Variants in PCNX1 observed in about 807,000 individuals in gnomAD.
PCNX1 encodes the protein pecanex 1.
PCNX1 carries 78 observed loss-of-function variants against 242.2 expected under a neutral mutation model. The observed-to-expected ratio is 0.32, with a 90% CI of 0.27 to 0.39. PCNX1 has a LOEUF of 0.39. Among genes scored for constraint, PCNX1 ranks in the 10% least tolerant of loss-of-function variants. The probability of loss-of-function intolerance (pLI) is 1.00; values close to 1 mark genes in which losing one functional copy is unlikely to be tolerated. For synonymous variants in PCNX1, 1,024 were observed against 1,032.9 expected, an observed-to-expected ratio of 0.99 and a Z score of 0.17; for missense variants, 2,581 against 2,856.5, an observed-to-expected ratio of 0.90 and a Z score of 2.20.
intron 31 of PCNX1, among the ~76,000 whole-genome samples, chr14:71,102,666 A>G (rs1014199377): frequency 6.6e-6 from 1 of 152,042 alleles, no homozygotes; most frequent in Admixed American, 6.5e-5. Flanking sequence ...ACTTAATTTT[A>G]CTTATTTTTT....
Position 70,969,126 on chromosome 14 carries a change from T to G in PCNX1, c.604+16T>G. On this transcript the variant is annotated intron_variant, in intron 5 of 35. Transcript: ENST00000304743. Reference sequence around the variant, plus strand: ...GAAGAACAAGGTAAGAACGTTATACTTTACCATGATGTCATATACTGTGGT... The same window carrying G: ...GAAGAACAAGGTAAGAACGTTATACGTTACCATGATGTCATATACTGTGGT... The G allele has an allele frequency of 6.9e-7, 1 of 1,445,198 alleles. No homozygotes were observed. The highest frequency in any genetic ancestry group is 9.7e-7 in the Non-Finnish European group (1 of 1,025,744). 89.5% of individuals were successfully genotyped at this position (1,445,198 alleles called of 1,614,324 possible).
At chr14:71,034,556 AT>A in intron 18 of PCNX1, among the ~76,000 whole-genome samples, 1 of 152,304 alleles carries the variant, frequency 6.6e-6, no homozygotes, top group East Asian at 1.9e-4. Context: ...AAATTTTCTA[AT>A]TTGGTGAATT....
At chr14:71,092,252 C>T (rs945101947) in intron 30 of PCNX1, among the ~76,000 whole-genome samples, 11 of 152,282 alleles carry the variant, frequency 7.2e-5, no homozygotes, top group East Asian at 1.9e-4. Context: ...GAAAACCTTG[C>T]GCATTTTACA....
intron 28 of PCNX1, chr14:71,085,487 G>A (rs2061963786): frequency 6.6e-6 from 1 of 152,346 alleles, no homozygotes; most frequent in South Asian, 2.1e-4. Context: ...ATTCAGGATC[G>A]ACAGAATGAT....
intron 20 of PCNX1, 88 bp downstream of exon 20, chr14:71,045,371 A>T: frequency 1.1e-6 from 1 of 894,864 alleles, no homozygotes; most frequent in Non-Finnish European, 1.7e-6. Context: ...AGTGAATATC[A>T]TAACAGAACA....
chr14:71,073,540 C>CT lies in PCNX1; in HGVS notation c.4853-4dup, dbSNP rs769602349. On this transcript the variant is annotated splice_region_variant and splice_polypyrimidine_tract_variant and intron_variant, in intron 26 of 35. Transcript: ENST00000304743. ...CCTTTGTAAAGCTCTCTCTCTCTCT[C>CT]TAAGGTACCTACTGTCAACAACGGG... 14 of 1,606,878 alleles carry CT rather than the reference C, an allele frequency of 8.7e-6. No individual in the cohort carries two copies. The African/African-American group carries it at 1.2e-4, about 14-fold the overall frequency.
intron 1 of PCNX1, among the ~76,000 whole-genome samples, chr14:70,938,029 G>A (rs2057080712): frequency 6.6e-6 from 1 of 152,068 alleles, no homozygotes; most frequent in South Asian, 2.1e-4. Context: ...GGAGATTTTG[G>A]GCTCAGACGA....
intron 26 of PCNX1, among the ~76,000 whole-genome samples, chr14:71,067,584 G>GT (rs1186074124): frequency 6.6e-6 from 1 of 151,976 alleles, no homozygotes; most frequent in Non-Finnish European, 1.5e-5. Flanking sequence ...TTTTTGAAGG[G>GT]TTTTTTGTGT....
Position 71,096,949 on chromosome 14 carries a change from C to T in PCNX1, c.5590-5041C>T, listed in dbSNP as rs118011817. 1.3e-3 allele frequency among the ~76,000 whole-genome samples: 199 copies of T among 152,250 alleles called. 1 individual carries two copies. Among genetic ancestry groups the T allele is most frequent in the South Asian group, 6.6e-3 (32 of 4,828 alleles). On this transcript the variant is annotated intron_variant, in intron 30 of 35. Coordinates refer to ENST00000304743, the MANE Select transcript of PCNX1 (RefSeq NM_014982.3). Reference sequence around the variant, plus strand: ...GTATCTCCAAAAGTTATGCTGTATACTTCCTTACTTCTCACCCCATACAGA... The same window carrying T: ...GTATCTCCAAAAGTTATGCTGTATATTTCCTTACTTCTCACCCCATACAGA...
chr14:71,005,332 C>T (rs949182844), intron 8 of PCNX1, among the ~76,000 whole-genome samples: 1 of 151,992 alleles, frequency 6.6e-6, no homozygotes, highest in Admixed American at 6.5e-5. Context: ...AGCAAGACCC[C>T]CATCTCTACA....
chr14:70,958,906 T>C (rs1595050305), intron 2 of PCNX1, among the ~76,000 whole-genome samples: 2 of 141,790 alleles, frequency 1.4e-5, no homozygotes, highest in Admixed American at 1.4e-4. Flanking sequence ...TGCTTTTTTT[T>C]TTTTTTTTTT....
At chr14:71,055,221 G>T (rs527857500) in intron 24 of PCNX1, among the ~76,000 whole-genome samples, 6 of 151,784 alleles carry the variant, frequency 4.0e-5, no homozygotes, top group Non-Finnish European at 7.4e-5. Context: ...TTTCATCCTG[G>T]TCAGCTTTTT....
intron 13 of PCNX1, among the ~76,000 whole-genome samples, chr14:71,025,519 T>G (rs2060218021): frequency 1.3e-5 from 2 of 152,102 alleles, no homozygotes; most frequent in South Asian, 4.1e-4. Flanking sequence ...ATCTAGGTCC[T>G]CTTAGTGGAT....
At chr14:70,961,030 G>C (rs1305166422) in intron 2 of PCNX1, among the ~76,000 whole-genome samples, 1 of 152,122 alleles carries the variant, frequency 6.6e-6, no homozygotes, top group Non-Finnish European at 1.5e-5. Context: ...ACAAACAAAT[G>C]GAAGAACATT....
Position 71,105,324 on chromosome 14 carries a change from ATGCAACAAC to A in PCNX1, c.6189_6197del (p.Thr2064_Ala2066del). 1 of 1,613,716 alleles carries A rather than the reference ATGCAACAAC, an allele frequency of 6.2e-7. No individual in the cohort carries two copies. Among genetic ancestry groups the A allele is most frequent in the Non-Finnish European group, 8.5e-7 (1 of 1,179,600 alleles). On this transcript the variant is annotated inframe_deletion, in exon 33 of 36. Transcript: ENST00000304743. ...GGTGGGACTTCCTGCACTGGTAACA[ATGCAACAAC>A]TGCCAACAATCCCCACAGCAACGTG...
intron 8 of PCNX1, among the ~76,000 whole-genome samples, chr14:71,003,800 A>T (rs1005439315): frequency 6.6e-6 from 1 of 152,232 alleles, no homozygotes; most frequent in African/African-American, 2.4e-5. Flanking sequence ...AGCAATAGAG[A>T]TATCTGTCTT....
intron 30 of PCNX1, among the ~76,000 whole-genome samples, chr14:71,095,955 C>T (rs2062265488): frequency 1.3e-5 from 2 of 152,102 alleles, no homozygotes; most frequent in South Asian, 2.1e-4. Flanking sequence ...GCAGGAGGAT[C>T]GCTTGAGCTC....
At chr14:71,079,216 A>G (rs1162917709) in intron 28 of PCNX1, among the ~76,000 whole-genome samples, 3 of 152,134 alleles carry the variant, frequency 2.0e-5, no homozygotes, top group African/African-American at 7.2e-5. Flanking sequence ...TCCATGTTGT[A>G]TATGTGTCAC....
intron 6 of PCNX1, among the ~76,000 whole-genome samples, chr14:70,980,116 A>G (rs923154187): frequency 2.0e-5 from 3 of 152,154 alleles, no homozygotes; most frequent in Admixed American, 6.5e-5. Context: ...TCAACATGCT[A>G]TGATAGAAAA....
Sources: allele counts gnomAD v4.1 joint callset (sites outside exome capture counted in the v4.1 genomes callset), GRCh38; gene constraint gnomAD v4.1.1; transcripts MANE v1.5; gene names NCBI Gene and HGNC (gene_info 2026-07-23, HGNC 2026-07-21).